Variants in KIAA1217 observed in about 807,000 individuals in gnomAD.
The protein encoded by KIAA1217 is sickle tail protein homolog.
In KIAA1217, 88 loss-of-function variants were observed where a neutral mutation model predicts 163.9. That is an observed-to-expected ratio of 0.54 (90% CI 0.45 to 0.64). The LOEUF (loss-of-function observed/expected upper bound fraction) is 0.64. Ranked by LOEUF, KIAA1217 falls within the 30% of genes least tolerant of loss-of-function variation. The pLI is 0.00. For synonymous variants in KIAA1217, 903 were observed against 923.1 expected, an observed-to-expected ratio of 0.98 and a Z score of 0.39; for missense variants, 2,372 against 2,475.0, an observed-to-expected ratio of 0.96 and a Z score of 0.88.
At chr10:24,208,374 GGTGTGTGTGTGTGTGT>G (rs10539475), upstream of KIAA1217, among the ~76,000 whole-genome samples, 1 of 148,846 alleles carries the variant, frequency 6.7e-6, no homozygotes, top group African/African-American at 2.5e-5. Flanking sequence ...TTAAGGGCTG[GGTGTGTGTGTGTGTGT>G]GTGTGTGTGT....
At chr10:23,930,794 T>C (rs1843223629) in intron 1 of KIAA1217, among the ~76,000 whole-genome samples, 1 of 152,196 alleles carries the variant, frequency 6.6e-6, no homozygotes, top group Non-Finnish European at 1.5e-5. Context: ...GAACATGGAC[T>C]CCTGAGGGTG....
At chr10:24,465,864 GA>G (rs2062890641) in intron 5 of KIAA1217, among the ~76,000 whole-genome samples, 1 of 152,296 alleles carries the variant, frequency 6.6e-6, no homozygotes, top group Admixed American at 6.5e-5. Context: ...GGGTGGGGCA[GA>G]AGGGCTCTGG....
intron 1 of KIAA1217, among the ~76,000 whole-genome samples, chr10:23,854,741 T>C (rs1839557258): frequency 6.6e-6 from 1 of 152,232 alleles, no homozygotes; most frequent in Non-Finnish European, 1.5e-5. Flanking sequence ...GCTCTTCTTG[T>C]TGAATTGGTC....
intron 1 of KIAA1217, among the ~76,000 whole-genome samples, chr10:23,805,751 C>T (rs891469588): frequency 6.6e-6 from 1 of 151,910 alleles, no homozygotes; most frequent in Non-Finnish European, 1.5e-5. Flanking sequence ...CGGTGGCTCA[C>T]GCCCGTAATC....
intron 1 of KIAA1217, among the ~76,000 whole-genome samples, chr10:23,697,829 A>G (rs576317194): frequency 6.6e-6 from 1 of 152,010 alleles, no homozygotes; most frequent in South Asian, 2.1e-4. Context: ...GTGAGCTGAG[A>G]TCGTGCCACT....
chr10:23,893,432 CA>C (rs1277542989), intron 1 of KIAA1217, among the ~76,000 whole-genome samples: 2 of 151,896 alleles, frequency 1.3e-5, no homozygotes, highest in Non-Finnish European at 2.9e-5. Flanking sequence ...TTGATGCTTT[CA>C]AAAAACCAGC....
intron 2 of KIAA1217, among the ~76,000 whole-genome samples, chr10:24,380,080 C>T (rs907463618): frequency 6.6e-6 from 1 of 151,886 alleles, no homozygotes; most frequent in African/African-American, 2.4e-5. Context: ...ATAAAAATCT[C>T]CCTTGCAATG....
intron 2 of KIAA1217, among the ~76,000 whole-genome samples, chr10:24,105,469 A>G (rs1234309299): frequency 1.3e-5 from 2 of 152,132 alleles, no homozygotes; most frequent in Admixed American, 6.6e-5. Context: ...CGAGGATGAA[A>G]TGTCCCTAAC....
At chr10:23,941,744 G>C (rs1252793576) in intron 1 of KIAA1217, among the ~76,000 whole-genome samples, 1 of 152,184 alleles carries the variant, frequency 6.6e-6, no homozygotes, top group Non-Finnish European at 1.5e-5. Context: ...AGTAGTTCAA[G>C]TACTGCACGG....
intron 2 of KIAA1217, among the ~76,000 whole-genome samples, chr10:24,056,182 G>A (rs182773747): frequency 1.3e-5 from 2 of 152,238 alleles, no homozygotes; most frequent in Non-Finnish European, 2.9e-5. Context: ...CCAAAGAATA[G>A]TGGTAACACA....
At chr10:24,311,201 A>C (rs907799058) in intron 2 of KIAA1217, among the ~76,000 whole-genome samples, 1 of 152,158 alleles carries the variant, frequency 6.6e-6, no homozygotes, top group Non-Finnish European at 1.5e-5. Context: ...TGCACACGTG[A>C]TGCAACCTCA....
chr10:24,367,560 C>A (rs1231329788), intron 2 of KIAA1217, among the ~76,000 whole-genome samples: 1 of 152,128 alleles, frequency 6.6e-6, no homozygotes, highest in Non-Finnish European at 1.5e-5. Flanking sequence ...CCTATCCTTG[C>A]CAGCTTGCTC....
At chr10:24,142,936 G>A (rs187710041) in intron 2 of KIAA1217, among the ~76,000 whole-genome samples, 122 of 152,316 alleles carry the variant, frequency 8.0e-4, no homozygotes, top group Admixed American at 6.4e-3. Flanking sequence ...GTAATCCACA[G>A]GAGGGGGAAA....
chr10:23,715,879 A>G (rs1588651473), intron 1 of KIAA1217, among the ~76,000 whole-genome samples: 1 of 152,148 alleles, frequency 6.6e-6, no homozygotes, highest in Non-Finnish European at 1.5e-5. Context: ...CACTAAAATG[A>G]CCTTTAAAAG....
intron 1 of KIAA1217, among the ~76,000 whole-genome samples, chr10:23,934,577 A>ATATGTGTGTATATATATATG (rs1843413371): frequency 1.7e-5 from 1 of 57,914 alleles, no homozygotes; most frequent in African/African-American, 1.8e-4. Flanking sequence ...ATATATATAT[A>ATATGTGTGTATATATATATG]TATATATATA....
intron 5 of KIAA1217, among the ~76,000 whole-genome samples, chr10:24,472,539 C>G (rs1162694973): frequency 1.1e-4 from 16 of 152,178 alleles, no homozygotes; most frequent in Admixed American, 1.0e-3. Flanking sequence ...TCAGCGTGAG[C>G]ACTATTGATA....
chr10:23,916,839 G>C (rs1443979640), intron 1 of KIAA1217, among the ~76,000 whole-genome samples: 1 of 151,958 alleles, frequency 6.6e-6, no homozygotes, highest in South Asian at 2.1e-4. Context: ...GGATGTGGTG[G>C]CGTGTGCCTG....
intron 2 of KIAA1217, among the ~76,000 whole-genome samples, chr10:24,293,688 G>C (rs2079350107): frequency 6.6e-6 from 1 of 152,212 alleles, no homozygotes; most frequent in Admixed American, 6.5e-5. Flanking sequence ...GAAGCCCCTT[G>C]TTGCCTGTTC....
intron 2 of KIAA1217, among the ~76,000 whole-genome samples, chr10:24,352,384 T>C (rs1175376056): frequency 7.9e-5 from 12 of 152,332 alleles, no homozygotes; most frequent in Admixed American, 7.8e-4. Context: ...AAAGTATGTA[T>C]GTATACTTTA....
Sources: gnomAD v4.1 joint callset for allele counts (sites outside exome capture counted in the v4.1 genomes callset) on GRCh38, gnomAD v4.1.1 for gene constraint, MANE v1.5 for transcripts, NCBI Gene and HGNC (gene_info 2026-07-23, HGNC 2026-07-21) for gene names.